COL8A1: variants seen among roughly 807,000 people sequenced by gnomAD.
COL8A1 encodes collagen type VIII alpha 1 chain, also known as collagen alpha-1(VIII) chain.
Under a neutral mutation model 42.7 loss-of-function variants are expected in COL8A1, and 21 were observed. That is an observed-to-expected ratio of 0.49 (90% confidence interval 0.35 to 0.71). The LOEUF is 0.71. Ranked by LOEUF, COL8A1 falls within the 30% of genes least tolerant of loss-of-function variation. COL8A1 has a pLI of 0.01. For synonymous variants in COL8A1, 367 were observed against 369.1 expected (o/e 0.99, Z 0.06); for missense variants, 788 against 962.4 (o/e 0.82, Z 2.40).
chr3:99,665,753 C>G (rs974743876), intron 1 of COL8A1, among the ~76,000 whole-genome samples: 1 of 145,160 alleles, frequency 6.9e-6, no homozygotes, highest in African/African-American at 2.6e-5. Flanking sequence ...ACAATCTCGG[C>G]TCACTGCAAC....
chr3:99,787,874 A>ACACACC (rs770748378), intron 2 of COL8A1, among the ~76,000 whole-genome samples: 25 of 92,586 alleles, frequency 2.7e-4, no homozygotes, highest in African/African-American at 3.0e-4. Flanking sequence ...ACACACACAC[A>ACACACC]CCCACACCCA....
At chr3:99,704,434 T>C (rs1363518499) in intron 1 of COL8A1, among the ~76,000 whole-genome samples, 2 of 152,106 alleles carry the variant, frequency 1.3e-5, no homozygotes. Context: ...TATTAAACTT[T>C]AAGTTTTAGG....
intron 1 of COL8A1, among the ~76,000 whole-genome samples, chr3:99,665,078 G>A (rs1051260531): frequency 1.3e-4 from 20 of 152,230 alleles, no homozygotes; most frequent in African/African-American, 4.8e-4. Context: ...AAAGTGGGAT[G>A]TGAGCTTCTC....
In COL8A1 at chr3:99,709,369, C is replaced by A. The variant is rs766154257; in HGVS notation, c.-128-35528C>A. Among the ~76,000 whole-genome samples the A allele has an allele frequency of 5.1e-4, 78 of 152,150 alleles. 1 individual carries two copies. The highest frequency in any genetic ancestry group is 7.9e-4 in the Non-Finnish European group (54 of 68,026). Reference sequence around the variant, plus strand: ...CCACCCTTCCATAGTCCCTGTCTAACCCTGCATCATACTGGTAATGACCTT... The same window carrying A: ...CCACCCTTCCATAGTCCCTGTCTAAACCTGCATCATACTGGTAATGACCTT... On this transcript the variant is annotated intron_variant, in intron 1 of 3. Coordinates refer to ENST00000652472, the MANE Select transcript of COL8A1 (RefSeq NM_020351.4).
At chr3:99,773,906 G>A (rs1405164538) in intron 2 of COL8A1, among the ~76,000 whole-genome samples, 2 of 129,514 alleles carry the variant, frequency 1.5e-5, no homozygotes, top group Admixed American at 1.8e-4. Context: ...ATGTAGTGAT[G>A]CAATCTTGGC....
At chr3:99,778,530 C>T (rs1265169902) in intron 2 of COL8A1, among the ~76,000 whole-genome samples, 1 of 152,002 alleles carries the variant, frequency 6.6e-6, no homozygotes, top group East Asian at 1.9e-4. Flanking sequence ...TTACAAGTAT[C>T]CTGAAAATGA....
chr3:99,659,219 C>T (rs1938124975), intron 1 of COL8A1, among the ~76,000 whole-genome samples: 1 of 152,184 alleles, frequency 6.6e-6, no homozygotes, highest in African/African-American at 2.4e-5. Flanking sequence ...GATGAGCTAA[C>T]GCCTAGCTGG....
At chr3:99,695,556 T>A (rs1365235630) in intron 1 of COL8A1, among the ~76,000 whole-genome samples, 1 of 152,120 alleles carries the variant, frequency 6.6e-6, no homozygotes. Context: ...GGATGTTCTT[T>A]CTTCTCCTTC....
At chr3:99,774,133 C>T (rs892722476) in intron 2 of COL8A1, among the ~76,000 whole-genome samples, 1 of 151,288 alleles carries the variant, frequency 6.6e-6, no homozygotes, top group Non-Finnish European at 1.5e-5. Flanking sequence ...GCTTGAGCCA[C>T]CACGCCCAAC....
At chr3:99,777,821 C>T (rs757007930) in intron 2 of COL8A1, among the ~76,000 whole-genome samples, 9 of 152,112 alleles carry the variant, frequency 5.9e-5, no homozygotes, top group Non-Finnish European at 1.2e-4. Context: ...GGGCAGCTAA[C>T]GGAAATACAC....
intron 2 of COL8A1, among the ~76,000 whole-genome samples, chr3:99,773,839 T>A (rs543508834): frequency 0.071 from 1,838 of 25,882 alleles, 3 homozygotes; most frequent in Non-Finnish European, 0.11. Context: ...ATATATATAT[T>A]TTTTTTTTTT....
intron 1 of COL8A1, among the ~76,000 whole-genome samples, chr3:99,722,707 C>T (rs1174373737): frequency 2.0e-5 from 3 of 152,018 alleles, no homozygotes; most frequent in Admixed American, 2.0e-4. Context: ...ACAAGGCATT[C>T]CTCTCATCAT....
intron 1 of COL8A1, among the ~76,000 whole-genome samples, chr3:99,675,992 TATC>T (rs1318688265): frequency 8.5e-5 from 13 of 152,116 alleles, no homozygotes; most frequent in African/African-American, 3.1e-4. Flanking sequence ...TATCTGGTGT[TATC>T]ATTGCATACA....
rs1230365587 is a variant in COL8A1, at chr3:99,795,618, G to A, written c.1717G>A (p.Val573Met). 2 of 1,613,264 alleles carry A rather than the reference G, an allele frequency of 1.2e-6. No individual in the cohort carries two copies. The highest frequency in any genetic ancestry group is 2.2e-5 in the East Asian group (1 of 44,852). Residue 573 changes from valine (V) to methionine (M), a missense_variant, in exon 4 of 4, where the codon GTG becomes ATG. Val to Met is a conservative substitution (Grantham distance 21). Around this residue, in one of 4 missense-constraint regions of COL8A1, gnomAD observed 154 missense variants for 182.3 expected, o/e 0.84. Coordinates refer to ENST00000652472, the MANE Select transcript of COL8A1 (RefSeq NM_020351.4). ...TCCAGGACCTCCAGGACCCCCAGCT[G>A]TGATGCCCCCTACACCACCACCCCA... ...GPPGPPGPPA[V>M]MPPTPPPQGE...
At chr3:99,774,348 A>AT (rs1000225609) in intron 2 of COL8A1, among the ~76,000 whole-genome samples, 4 of 151,774 alleles carry the variant, frequency 2.6e-5, no homozygotes, top group Admixed American at 6.6e-5. Flanking sequence ...ATAACTCATC[A>AT]TTTTTTTCAG....
In COL8A1 at chr3:99,794,923, T is replaced by A; in HGVS notation, c.1022T>A (p.Leu341Gln). 3 of 1,597,422 alleles carry A rather than the reference T, an allele frequency of 1.9e-6. No homozygotes were observed. The highest frequency in any genetic ancestry group is 2.6e-6 in the Non-Finnish European group (3 of 1,172,346). ...AAAGGGGAGCAAGGACTGCCAGGGC[T>A]ACCAGGACCCCCAGGCCTTCCAGGG... ...GGKGEQGLPG[L>Q]PGPPGLPGIG... Residue 341 changes from leucine to glutamine, a missense_variant, in exon 4 of 4, where the codon CTA becomes CAA. Leu to Gln is a moderately radical substitution (Grantham distance 113). Around this residue, in one of 4 missense-constraint regions of COL8A1, gnomAD observed 421 missense variants for 553.1 expected, o/e 0.76. Coordinates refer to ENST00000652472, the MANE Select transcript of COL8A1 (RefSeq NM_020351.4). The surrounding 1 kb of genome is among the most constrained non-coding windows in gnomAD (Gnocchi z 4.3).
intron 1 of COL8A1, among the ~76,000 whole-genome samples, chr3:99,656,167 T>G (rs189414531): frequency 1.3e-5 from 2 of 152,326 alleles, no homozygotes; most frequent in Admixed American, 1.3e-4. Context: ...ATATCAGCTA[T>G]TGGGAAAATT....
intron 1 of COL8A1, among the ~76,000 whole-genome samples, chr3:99,639,135 T>C (rs574272710): frequency 6.6e-6 from 1 of 151,942 alleles, no homozygotes; most frequent in South Asian, 2.1e-4. Context: ...CTTCTGTGAG[T>C]CCTTTAAAAA....
At chr3:99,686,397 G>A (rs1161345730) in intron 1 of COL8A1, among the ~76,000 whole-genome samples, 1 of 152,180 alleles carries the variant, frequency 6.6e-6, no homozygotes, top group Non-Finnish European at 1.5e-5. Context: ...ATAGATTTCA[G>A]AGAGAGTAAA....
Sources: gnomAD v4.1 joint callset for allele counts (sites outside exome capture counted in the v4.1 genomes callset) on GRCh38, gnomAD v4.1.1 for gene constraint, gnomAD v4.1.1 regional missense constraint, Gnocchi (gnomAD v3.1) non-coding constraint, MANE v1.5 for transcripts, NCBI Gene and HGNC (gene_info 2026-07-23, HGNC 2026-07-21) for gene names.